The following ZNF804A variants were observed in gnomAD, a reference collection of about 807,000 sequenced individuals.
The protein encoded by ZNF804A is zinc finger protein 804A.
A neutral mutation model predicts 16.5 loss-of-function variants in ZNF804A; 2 were observed. The observed-to-expected ratio is 0.12, with a 90% confidence interval of 0.05 to 0.38. The LOEUF is 0.38. Ranked by LOEUF, ZNF804A falls within the 10% of genes least tolerant of loss-of-function variation. The probability of loss-of-function intolerance (pLI) is 0.99; values close to 1 mark genes in which losing one functional copy is unlikely to be tolerated. For missense variants in ZNF804A, 1,473 were observed against 1,390.7 expected (o/e 1.06, Z -0.94); for synonymous variants, 534 against 489.6 (o/e 1.09, Z -1.20).
chr2:184,884,094 ACAACTTCAG>A (rs1475511086), intron 2 of ZNF804A, among the ~76,000 whole-genome samples: 1 of 152,140 alleles, frequency 6.6e-6, no homozygotes, highest in Non-Finnish European at 1.5e-5. Context: ...GATCTGATAA[ACAACTTCAG>A]CAGTTTCAGG....
Position 184,938,352 on chromosome 2 carries a change from G to C in ZNF804A, c.2956G>C (p.Glu986Gln). The change falls in exon 4 of 4, where the codon GAG (glutamate) becomes CAG (glutamine). Residue 986 changes from glutamate to glutamine, a missense_variant. Glu to Gln is a conservative substitution (Grantham distance 29). Transcript: ENST00000302277. ...AEALPQGKMN[E>Q]TPTEWLRYNS... Reference sequence around the variant, plus strand: ...GGCCCTTCCACAAGGAAAGATGAATGAGACACCAACTGAGTGGCTGCGTTA... The same window carrying C: ...GGCCCTTCCACAAGGAAAGATGAATCAGACACCAACTGAGTGGCTGCGTTA... The C allele has an allele frequency of 1.2e-6, 2 of 1,614,102 alleles. No individual in the cohort carries two copies. Among genetic ancestry groups the C allele is most frequent in the Non-Finnish European group, 1.7e-6 (2 of 1,180,016 alleles).
intron 1 of ZNF804A, among the ~76,000 whole-genome samples, chr2:184,761,513 T>C (rs1053559672): frequency 2.6e-5 from 4 of 152,110 alleles, no homozygotes; most frequent in African/African-American, 9.7e-5. Flanking sequence ...AGCGGGAATA[T>C]AATTTAGTAC....
intron 2 of ZNF804A, among the ~76,000 whole-genome samples, chr2:184,918,498 A>C (rs567238156): frequency 4.6e-5 from 7 of 152,188 alleles, no homozygotes; most frequent in African/African-American, 1.7e-4. Context: ...AAACATCATC[A>C]TATATTGGAT....
intron 1 of ZNF804A, among the ~76,000 whole-genome samples, chr2:184,612,060 C>T (rs562983082): frequency 6.6e-5 from 10 of 152,058 alleles, no homozygotes; most frequent in Non-Finnish European, 1.5e-4. Context: ...ACCTAATTTG[C>T]TTTAATGTCA....
At chr2:184,777,644 T>C (rs1170389184) in intron 1 of ZNF804A, among the ~76,000 whole-genome samples, 1 of 151,678 alleles carries the variant, frequency 6.6e-6, no homozygotes, top group Non-Finnish European at 1.5e-5. Context: ...AAAATTTAAA[T>C]AAGCTCCATA....
chr2:184,623,271 A>C (rs1032855841), intron 1 of ZNF804A, among the ~76,000 whole-genome samples: 1 of 152,106 alleles, frequency 6.6e-6, no homozygotes, highest in African/African-American at 2.4e-5. Flanking sequence ...AAATAAATTT[A>C]CTAAAAAATA....
At chr2:184,787,387 A>G (rs1047868834) in intron 1 of ZNF804A, among the ~76,000 whole-genome samples, 17 of 146,938 alleles carry the variant, frequency 1.2e-4, no homozygotes, top group African/African-American at 4.0e-4. Context: ...TGGGACTGCT[A>G]TGTTGAATAG....
At chr2:184,794,566 AT>A (rs1694601799) in intron 1 of ZNF804A, among the ~76,000 whole-genome samples, 1 of 151,988 alleles carries the variant, frequency 6.6e-6, no homozygotes, top group Non-Finnish European at 1.5e-5. Context: ...CATAGTACCT[AT>A]AGAACAAAAA....
At chr2:184,897,699 T>C (rs1685110298) in intron 2 of ZNF804A, among the ~76,000 whole-genome samples, 1 of 152,174 alleles carries the variant, frequency 6.6e-6, no homozygotes, top group African/African-American at 2.4e-5. Flanking sequence ...TGCAATCTAA[T>C]ACTACCATAT....
chr2:184,760,169 G>C (rs1001759682), intron 1 of ZNF804A, among the ~76,000 whole-genome samples: 3 of 152,054 alleles, frequency 2.0e-5, no homozygotes, highest in African/African-American at 4.8e-5. Flanking sequence ...GCGTATACAT[G>C]CATGTCACAG....
chr2:184,912,969 C>G (rs565557803), intron 2 of ZNF804A, among the ~76,000 whole-genome samples: 80 of 152,126 alleles, frequency 5.3e-4, no homozygotes, highest in African/African-American at 1.7e-3. Context: ...TTTTGTTGCT[C>G]ATGCTTTTGG....
At chr2:184,712,978 T>C (rs141738037) in intron 1 of ZNF804A, among the ~76,000 whole-genome samples, 2 of 151,958 alleles carry the variant, frequency 1.3e-5, no homozygotes, top group East Asian at 3.9e-4. Context: ...TTTAAAACAA[T>C]TATATTGAGC....
At chr2:184,615,608 G>T (rs928071002) in intron 1 of ZNF804A, among the ~76,000 whole-genome samples, 10 of 152,090 alleles carry the variant, frequency 6.6e-5, no homozygotes, top group African/African-American at 2.4e-4. Context: ...ATTCTTTGAG[G>T]ATTTGTAGCC....
chr2:184,779,327 A>G (rs916086710), intron 1 of ZNF804A, among the ~76,000 whole-genome samples: 2 of 151,632 alleles, frequency 1.3e-5, no homozygotes, highest in African/African-American at 4.8e-5. Flanking sequence ...CTTTTTTCCT[A>G]GGAAATATTT....
chr2:184,902,185 T>C (rs7590852), intron 2 of ZNF804A: 122,508 of 162,110 alleles, frequency 0.76, 46,502 homozygotes, highest in East Asian at 0.87. Context: ...TTCTCTTTTT[T>C]AGGCCTGATC....
chr2:184,598,928 G>A lies in ZNF804A; in HGVS notation c.-32G>A. On this transcript the variant is annotated 5_prime_UTR_variant, in exon 1 of 4. Transcript: ENST00000302277. ...TGTGGGCGCGGGGTGCGTGGAAGCG[G>A]CGGCTGCGGCGGAGGAGGCGGCGGC... The A allele has an allele frequency of 1.4e-6, 2 of 1,456,246 alleles. No homozygotes were observed. The highest frequency in any genetic ancestry group is 1.9e-6 in the Non-Finnish European group (2 of 1,070,314). 90.2% of individuals were successfully genotyped at this position (1,456,246 alleles called of 1,614,324 possible).
At chr2:184,668,190 T>A (rs928436210) in intron 1 of ZNF804A, among the ~76,000 whole-genome samples, 5 of 151,876 alleles carry the variant, frequency 3.3e-5, no homozygotes, top group Admixed American at 6.6e-5. Flanking sequence ...TATATATTTA[T>A]AGCATACAAT....
chr2:184,822,302 T>A (rs1695098070), intron 1 of ZNF804A, among the ~76,000 whole-genome samples: 1 of 152,060 alleles, frequency 6.6e-6, no homozygotes, highest in Non-Finnish European at 1.5e-5. Context: ...AGCGAATTAA[T>A]GCAGGAACAG....
intron 2 of ZNF804A, among the ~76,000 whole-genome samples, chr2:184,904,119 A>G (rs554191784): frequency 4.6e-5 from 7 of 152,212 alleles, no homozygotes; most frequent in African/African-American, 1.7e-4. Flanking sequence ...TCAATTTGCA[A>G]CACCATCAAA....
Sources: allele counts gnomAD v4.1 joint callset (sites outside exome capture counted in the v4.1 genomes callset), GRCh38; gene constraint gnomAD v4.1.1; transcripts MANE v1.5; gene names NCBI Gene and HGNC (gene_info 2026-07-23, HGNC 2026-07-21).